ATXN1: variants seen among roughly 807,000 people sequenced by gnomAD.
The protein encoded by ATXN1 is ataxin-1.
ATXN1 carries 8 observed loss-of-function variants against 56.4 expected under a neutral mutation model. That is an observed-to-expected ratio of 0.14 (90% confidence interval 0.08 to 0.26). The LOEUF is 0.26. Ranked by LOEUF, ATXN1 falls within the 10% of genes least tolerant of loss-of-function variation. The pLI, the probability that ATXN1 is intolerant of heterozygous loss-of-function variation, is 1.00. For synonymous variants in ATXN1, 514 were observed against 494.6 expected (o/e 1.04, Z -0.52); for missense variants, 987 against 1,106.5 (o/e 0.89, Z 1.53).
intron 3 of ATXN1, among the ~76,000 whole-genome samples, chr6:16,614,354 C>G (rs1763166612): frequency 6.6e-6 from 1 of 151,688 alleles, no homozygotes; most frequent in East Asian, 1.9e-4. Context: ...GTGCACTCAG[C>G]TCTACCTCTT....
chr6:16,727,686 G>C (rs975048848), intron 2 of ATXN1, among the ~76,000 whole-genome samples: 1 of 152,060 alleles, frequency 6.6e-6, no homozygotes, highest in Non-Finnish European at 1.5e-5. Context: ...GCTGTTATTA[G>C]TCTGTGACAT....
intron 6 of ATXN1, among the ~76,000 whole-genome samples, chr6:16,336,912 A>C (rs1357932618): frequency 6.6e-6 from 1 of 152,220 alleles, no homozygotes; most frequent in Non-Finnish European, 1.5e-5. Context: ...TGGGCAATGG[A>C]TACGACTATA....
intron 5 of ATXN1, among the ~76,000 whole-genome samples, chr6:16,488,203 C>T (rs1054721776): frequency 1.3e-5 from 2 of 152,122 alleles, no homozygotes; most frequent in African/African-American, 4.8e-5. Flanking sequence ...CAAGTCACTC[C>T]GTTATCACAG....
At chr6:16,742,844 C>A (rs1183730598) in intron 2 of ATXN1, among the ~76,000 whole-genome samples, 1 of 152,186 alleles carries the variant, frequency 6.6e-6, no homozygotes, top group Non-Finnish European at 1.5e-5. Flanking sequence ...TTAAGCAGTT[C>A]TCCTTTCCAT....
intron 6 of ATXN1, among the ~76,000 whole-genome samples, chr6:16,482,972 G>T (rs1203252169): frequency 6.6e-6 from 1 of 152,166 alleles, no homozygotes; most frequent in Non-Finnish European, 1.5e-5. Flanking sequence ...ACCACTGGAG[G>T]TGATTTAACT....
At chr6:16,329,893 G>A (rs556397294) in intron 6 of ATXN1, among the ~76,000 whole-genome samples, 42 of 152,304 alleles carry the variant, frequency 2.8e-4, no homozygotes, top group Admixed American at 7.2e-4. Context: ...AAATATCAGT[G>A]GAACTGACAT....
chr6:16,613,299 T>C (rs1763147426), intron 3 of ATXN1, among the ~76,000 whole-genome samples: 2 of 149,414 alleles, frequency 1.3e-5, no homozygotes, highest in Admixed American at 1.3e-4. Flanking sequence ...AAAAAAATTA[T>C]TTTAAAAGGC....
chr6:16,739,599 T>A (rs1185241063), intron 2 of ATXN1: 1 of 312,364 alleles, frequency 3.2e-6, no homozygotes, highest in African/African-American at 2.2e-5. Flanking sequence ...ACAAAAGGTG[T>A]GTAGCTGCAA....
At chr6:16,614,790 T>TTGCA (rs1408998265) in intron 3 of ATXN1, among the ~76,000 whole-genome samples, 3 of 151,336 alleles carry the variant, frequency 2.0e-5, no homozygotes, top group African/African-American at 7.3e-5. Flanking sequence ...AGGCGTGGTG[T>TTGCA]TGCATGCCTG....
intron 6 of ATXN1, among the ~76,000 whole-genome samples, chr6:16,334,559 T>TA (rs1248820362): frequency 1.3e-5 from 2 of 151,366 alleles, no homozygotes; most frequent in Non-Finnish European, 2.9e-5. Context: ...CTACAAAAAA[T>TA]AAAAAAAATT....
chr6:16,642,352 G>A lies in ATXN1; in HGVS notation c.-489+15424C>T, dbSNP rs560268068. 1.2e-4 allele frequency among the ~76,000 whole-genome samples: 19 copies of A among 152,250 alleles called. No individual in the cohort carries two copies. In the South Asian group the frequency reaches 3.1e-3, roughly 25 times the overall value. On this transcript the variant is annotated intron_variant, in intron 3 of 7. Coordinates refer to ENST00000436367, the MANE Select transcript of ATXN1 (RefSeq NM_001128164.2). ...GGAGGTTGCAGTGAGCCGAGATCGC[G>A]CCACTGCACTCCAGCCTGGGTGACA...
At chr6:16,322,202 G>A (rs894446313) in intron 7 of ATXN1, among the ~76,000 whole-genome samples, 2 of 152,166 alleles carry the variant, frequency 1.3e-5, no homozygotes, top group South Asian at 2.1e-4. Context: ...TTCAGCCTGG[G>A]TGACAGGGCA....
At chr6:16,602,901 T>C (rs1762937915) in intron 3 of ATXN1, among the ~76,000 whole-genome samples, 1 of 152,208 alleles carries the variant, frequency 6.6e-6, no homozygotes, top group Non-Finnish European at 1.5e-5. Flanking sequence ...GGACAGGCTA[T>C]GTAACTGAGC....
chr6:16,656,590 C>T (rs1007942748), intron 3 of ATXN1, among the ~76,000 whole-genome samples: 2 of 152,128 alleles, frequency 1.3e-5, no homozygotes, highest in Admixed American at 6.5e-5. Context: ...TGAATTCCAA[C>T]CCCCAGACTA....
intron 1 of ATXN1, among the ~76,000 whole-genome samples, chr6:16,755,821 T>A (rs1760871321): frequency 6.6e-6 from 1 of 152,136 alleles, no homozygotes; most frequent in Non-Finnish European, 1.5e-5. Context: ...TACCATGAAT[T>A]TTCTGGAAAG....
intron 2 of ATXN1, among the ~76,000 whole-genome samples, chr6:16,722,497 TC>T (rs894731703): frequency 3.9e-5 from 6 of 151,938 alleles, no homozygotes; most frequent in Admixed American, 3.3e-4. Context: ...AAAAAGTATC[TC>T]CCCCCACCTG....
At chr6:16,471,075 G>C (rs9477138) in intron 6 of ATXN1, among the ~76,000 whole-genome samples, 3,187 of 152,078 alleles carry the variant, frequency 0.021, 109 homozygotes, top group African/African-American at 0.073. Flanking sequence ...AACAAACTGC[G>C]CCTACTTTGA....
chr6:16,498,914 T>C (rs960458054), intron 5 of ATXN1, among the ~76,000 whole-genome samples: 6 of 152,216 alleles, frequency 3.9e-5, no homozygotes, highest in Non-Finnish European at 7.4e-5. Flanking sequence ...CCTTATGAGA[T>C]ACTGACTTGC....
intron 6 of ATXN1, among the ~76,000 whole-genome samples, chr6:16,401,446 A>T (rs1758567748): frequency 6.6e-6 from 1 of 152,110 alleles, no homozygotes; most frequent in Non-Finnish European, 1.5e-5. Context: ...ATAATTTAAA[A>T]ATTTAAAAAA....
Sources: gnomAD v4.1 joint callset for allele counts (sites outside exome capture counted in the v4.1 genomes callset) on GRCh38, gnomAD v4.1.1 for gene constraint, MANE v1.5 for transcripts, NCBI Gene and HGNC (gene_info 2026-07-23, HGNC 2026-07-21) for gene names.